GPC5: variants seen among roughly 807,000 people sequenced by gnomAD.
The protein encoded by GPC5 is glypican-5.
A neutral mutation model predicts 53.9 loss-of-function variants in GPC5; 47 were observed. The ratio of observed to expected loss-of-function variants is 0.87; its 90% CI spans 0.69 to 1.11. The LOEUF is 1.11. Among genes scored for constraint, GPC5 ranks in the 50% most tolerant of loss-of-function variants. The probability of loss-of-function intolerance (pLI) is 0.00; values close to 1 mark genes in which losing one functional copy is unlikely to be tolerated. For missense variants in GPC5, 748 were observed against 713.1 expected (o/e 1.05, Z -0.56); for synonymous variants, 286 against 263.3 (o/e 1.09, Z -0.84).
At chr13:92,307,930 G>A (rs2043121505) in intron 7 of GPC5, among the ~76,000 whole-genome samples, 1 of 152,170 alleles carries the variant, frequency 6.6e-6, no homozygotes, top group Non-Finnish European at 1.5e-5. Context: ...ACACCTAAGT[G>A]TATGCCTTAA....
intron 7 of GPC5, among the ~76,000 whole-genome samples, chr13:92,566,156 G>A (rs762907010): frequency 1.3e-5 from 2 of 152,002 alleles, no homozygotes; most frequent in Non-Finnish European, 2.9e-5. Flanking sequence ...AAAGGTGCAT[G>A]TCTCAGACCC....
At chr13:91,470,506 A>G (rs1279527857) in intron 2 of GPC5, among the ~76,000 whole-genome samples, 1 of 152,180 alleles carries the variant, frequency 6.6e-6, no homozygotes, top group African/African-American at 2.4e-5. Flanking sequence ...GAAAATTTTT[A>G]TGGCATCGGA....
Position 92,550,520 on chromosome 13 carries a change from A to C in GPC5, c.1562-315762A>C, listed in dbSNP as rs143759643. Among the ~76,000 whole-genome samples the C allele has an allele frequency of 9.8e-4, 149 of 151,968 alleles. No individual in the cohort carries two copies. The East Asian group carries it at 0.025, about 26-fold the overall frequency. On this transcript the variant is annotated intron_variant, in intron 7 of 7. Transcript: ENST00000377067. ...ATGGATCTCTTTTGTCTTGATTTTCAATCAGGATCCAGAGGCCAAAAGTAA... is the reference window on the plus strand; with the variant it reads ...ATGGATCTCTTTTGTCTTGATTTTCCATCAGGATCCAGAGGCCAAAAGTAA...
At chr13:92,034,517 A>C (rs1396323059) in intron 6 of GPC5, among the ~76,000 whole-genome samples, 2 of 152,184 alleles carry the variant, frequency 1.3e-5, no homozygotes, top group Non-Finnish European at 2.9e-5. Context: ...ATTTAAAAAA[A>C]GGAAAGCAAA....
intron 7 of GPC5, among the ~76,000 whole-genome samples, chr13:92,359,548 T>C (rs1214952000): frequency 1.3e-5 from 2 of 151,660 alleles, no homozygotes; most frequent in African/African-American, 4.9e-5. Flanking sequence ...TACTTCATTA[T>C]CGCATTACTA....
At chr13:92,574,842 C>A (rs1322399037) in intron 7 of GPC5, among the ~76,000 whole-genome samples, 1 of 152,122 alleles carries the variant, frequency 6.6e-6, no homozygotes, top group African/African-American at 2.4e-5. Flanking sequence ...GTGTTATTTG[C>A]TGGTCTTATC....
intron 2 of GPC5, among the ~76,000 whole-genome samples, chr13:91,557,705 C>T (rs936226730): frequency 1.3e-5 from 2 of 152,138 alleles, no homozygotes; most frequent in African/African-American, 4.8e-5. Flanking sequence ...ATATTCTCTC[C>T]AAAACTGCTT....
intron 4 of GPC5, 121 bp downstream of exon 4, chr13:91,728,786 A>G (rs2036632521): frequency 9.9e-7 from 1 of 1,008,186 alleles, no homozygotes; most frequent in Non-Finnish European, 1.3e-6. Flanking sequence ...AAAAAGGATC[A>G]ATATTCATTA....
chr13:91,781,973 A>AT lies in GPC5; in HGVS notation c.1280+25561dup, dbSNP rs34235732. 5.5e-4 allele frequency among the ~76,000 whole-genome samples: 84 copies of AT among 152,034 alleles called. 1 individual carries two copies. In the East Asian group the frequency reaches 0.011, roughly 21 times the overall value. On this transcript the variant is annotated intron_variant, in intron 5 of 7. Transcript: ENST00000377067. ...GAACGAGACCATCACTACTTTAGGT[A>AT]TTTTTTTTCTCAAAACATATTAAAA...
At chr13:92,754,975 C>A (rs959510219) in intron 7 of GPC5, among the ~76,000 whole-genome samples, 1 of 152,004 alleles carries the variant, frequency 6.6e-6, no homozygotes, top group Non-Finnish European at 1.5e-5. Context: ...CTGCACCAAG[C>A]GGACCTAACA....
intron 7 of GPC5, among the ~76,000 whole-genome samples, chr13:92,242,545 A>G (rs1195629812): frequency 1.3e-5 from 2 of 151,988 alleles, no homozygotes; most frequent in African/African-American, 2.4e-5. Context: ...TTCATTTTTT[A>G]TATACCAAAA....
At chr13:92,102,665 A>C (rs1433567808) in intron 6 of GPC5, among the ~76,000 whole-genome samples, 1 of 152,194 alleles carries the variant, frequency 6.6e-6, no homozygotes, top group African/African-American at 2.4e-5. Flanking sequence ...CACAGTGGGA[A>C]GGATTCATTT....
chr13:92,272,524 A>T (rs2042846933), intron 7 of GPC5, among the ~76,000 whole-genome samples: 1 of 152,320 alleles, frequency 6.6e-6, no homozygotes, highest in African/African-American at 2.4e-5. Flanking sequence ...TTGTCAGAGG[A>T]CCGGACAGGT....
At chr13:91,929,721 G>C (rs926602449) in intron 6 of GPC5, among the ~76,000 whole-genome samples, 1 of 151,898 alleles carries the variant, frequency 6.6e-6, no homozygotes, top group Non-Finnish European at 1.5e-5. Context: ...TTTTCCTGCT[G>C]TTCCTTTATT....
chr13:91,655,357 T>C (rs1422277187), intron 2 of GPC5, among the ~76,000 whole-genome samples: 1 of 152,000 alleles, frequency 6.6e-6, no homozygotes, highest in East Asian at 1.9e-4. Context: ...TCCTTCAAGA[T>C]TGGAAAAGTT....
chr13:91,557,694 C>A (rs1255669197), intron 2 of GPC5, among the ~76,000 whole-genome samples: 1 of 152,166 alleles, frequency 6.6e-6, no homozygotes, highest in Non-Finnish European at 1.5e-5. Flanking sequence ...ACAGATTCCT[C>A]ATATTCTCTC....
rs558556117 is a variant in GPC5 at position 91,455,032 on chromosome 13, GTCTA to G, written c.325+6117_325+6120del. Among the ~76,000 whole-genome samples, 81 of 152,174 alleles carry G rather than the reference GTCTA, an allele frequency of 5.3e-4. 1 individual carries two copies. The highest frequency in any genetic ancestry group is 1.8e-3 in the African/African-American group (75 of 41,546). ...TTATGTTTTTGAGATTAATCTGTGT[GTCTA>G]TCTATCCATCCCTTTTATCCATTTA... On this transcript the variant is annotated intron_variant, in intron 2 of 7. Coordinates refer to ENST00000377067, the MANE Select transcript of GPC5 (RefSeq NM_004466.6).
At chr13:92,583,683 G>A (rs1415825086) in intron 7 of GPC5, among the ~76,000 whole-genome samples, 1 of 152,182 alleles carries the variant, frequency 6.6e-6, no homozygotes, top group Non-Finnish European at 1.5e-5. Context: ...CAGGCAAGAA[G>A]CTATCCAGAA....
At chr13:92,100,118 A>C (rs1162659006) in intron 6 of GPC5, among the ~76,000 whole-genome samples, 1 of 152,146 alleles carries the variant, frequency 6.6e-6, no homozygotes, top group African/African-American at 2.4e-5. Flanking sequence ...AAAAAAATAA[A>C]AAGTATCCAG....
Sources: gnomAD v4.1 joint callset for allele counts (sites outside exome capture counted in the v4.1 genomes callset) on GRCh38, gnomAD v4.1.1 for gene constraint, MANE v1.5 for transcripts, NCBI Gene and HGNC (gene_info 2026-07-23, HGNC 2026-07-21) for gene names.